CSMD3: variants seen among roughly 807,000 people sequenced by gnomAD.
CSMD3 encodes CUB and Sushi multiple domains 3.
Under a neutral mutation model 435.2 loss-of-function variants are expected in CSMD3, and 177 were observed. The observed-to-expected ratio is 0.41, with a 90% CI of 0.36 to 0.46. The LOEUF (loss-of-function observed/expected upper bound fraction) is 0.46, where lower values mean the gene tolerates loss of function less well. Among genes scored for constraint, CSMD3 ranks in the 20% least tolerant of loss-of-function variants. The pLI is 0.34. For synonymous variants in CSMD3, 1,656 were observed against 1,520.5 expected (o/e 1.09, Z -2.07); for missense variants, 4,265 against 4,504.6 (o/e 0.95, Z 1.52).
At chr8:113,103,712 T>C (rs1180701941) in intron 4 of CSMD3, among the ~76,000 whole-genome samples, 1 of 152,086 alleles carries the variant, frequency 6.6e-6, no homozygotes, top group Non-Finnish European at 1.5e-5. Context: ...TAACACCATT[T>C]ATTATACTTT....
chr8:112,507,427 G>T (rs1822647341), intron 28 of CSMD3, among the ~76,000 whole-genome samples: 1 of 152,118 alleles, frequency 6.6e-6, no homozygotes, highest in South Asian at 2.1e-4. Context: ...ACATTACACA[G>T]AAATTGACAT....
In CSMD3 at chr8:113,278,901, T is replaced by C. The variant is rs543858203; in HGVS notation, c.402-197A>G. Among the ~76,000 whole-genome samples, 5 of 151,934 alleles carry C rather than the reference T, an allele frequency of 3.3e-5. No individual in the cohort carries two copies. In the South Asian group the frequency reaches 1.0e-3, roughly 31 times the overall value. ...GACTTCAGCCCTCCAGACTGCAAGA[T>C]AATACATTTGTGTTGTTTAAGCTAC... On this transcript the variant is annotated intron_variant, in intron 2 of 70. Coordinates refer to ENST00000297405, the MANE Select transcript of CSMD3 (RefSeq NM_198123.2).
At chr8:112,697,168 G>A (rs1444687503) in intron 13 of CSMD3, among the ~76,000 whole-genome samples, 1 of 152,166 alleles carries the variant, frequency 6.6e-6, no homozygotes, top group African/African-American at 2.4e-5. Flanking sequence ...AGACAGTGTG[G>A]CAATTCCTCA....
At chr8:112,644,351 T>G (rs1179878225) in intron 20 of CSMD3, among the ~76,000 whole-genome samples, 1 of 151,960 alleles carries the variant, frequency 6.6e-6, no homozygotes, top group Non-Finnish European at 1.5e-5. Context: ...TCCCTCTTAT[T>G]AAGCAGTAAG....
intron 2 of CSMD3, among the ~76,000 whole-genome samples, chr8:113,297,182 T>C (rs2132561277): frequency 6.6e-6 from 1 of 152,222 alleles, no homozygotes; most frequent in East Asian, 1.9e-4. Flanking sequence ...CACGTAGCTA[T>C]TATGAAATTA....
chr8:113,299,011 A>T (rs2132571984), intron 2 of CSMD3, among the ~76,000 whole-genome samples: 1 of 152,318 alleles, frequency 6.6e-6, no homozygotes, highest in Non-Finnish European at 1.5e-5. Flanking sequence ...TAACAGAGAC[A>T]GAAAAATGTA....
intron 30 of CSMD3, among the ~76,000 whole-genome samples, chr8:112,498,514 C>T (rs918494316): frequency 6.6e-6 from 1 of 151,978 alleles, no homozygotes; most frequent in Non-Finnish European, 1.5e-5. Context: ...TGGTGTGTTA[C>T]CTAGAGAAAG....
intron 3 of CSMD3, among the ~76,000 whole-genome samples, chr8:113,206,075 T>C (rs2092767803): frequency 6.6e-6 from 1 of 152,144 alleles, no homozygotes; most frequent in African/African-American, 2.4e-5. Flanking sequence ...AGGGTAGAGC[T>C]GGTAAGTTGT....
At chr8:113,435,509 C>G (rs1019162009) in intron 1 of CSMD3, among the ~76,000 whole-genome samples, 1 of 152,040 alleles carries the variant, frequency 6.6e-6, no homozygotes. Context: ...AGACGCGGCC[C>G]GATTGCAGTT....
chr8:112,302,618 T>G (rs1225651210), intron 52 of CSMD3, among the ~76,000 whole-genome samples: 1 of 152,032 alleles, frequency 6.6e-6, no homozygotes, highest in Non-Finnish European at 1.5e-5. Flanking sequence ...ATAAAAACAA[T>G]AACAGATCAT....
intron 5 of CSMD3, among the ~76,000 whole-genome samples, chr8:113,030,375 C>T (rs1290704933): frequency 5.8e-5 from 7 of 120,672 alleles, no homozygotes; most frequent in Non-Finnish European, 9.9e-5. Flanking sequence ...TGATTTCAAA[C>T]TACAGTATAA....
chr8:113,257,279 C>T (rs532706692), intron 3 of CSMD3, among the ~76,000 whole-genome samples: 12 of 152,188 alleles, frequency 7.9e-5, no homozygotes, highest in South Asian at 2.1e-4. Context: ...GGCATGGTGG[C>T]AGGTGCCTGT....
chr8:113,293,256 A>G (rs1465507973), intron 2 of CSMD3, among the ~76,000 whole-genome samples: 6 of 150,906 alleles, frequency 4.0e-5, no homozygotes, highest in Non-Finnish European at 8.8e-5. Flanking sequence ...TATGATTCCT[A>G]TTTTACGTGC....
At chr8:112,602,928 G>A (rs1262682456) in intron 22 of CSMD3, among the ~76,000 whole-genome samples, 1 of 152,230 alleles carries the variant, frequency 6.6e-6, no homozygotes. Context: ...GTGGGGTGGG[G>A]AGAGAGACAA....
At chr8:112,957,791 G>A (rs1250864494) in intron 7 of CSMD3, among the ~76,000 whole-genome samples, 1 of 152,176 alleles carries the variant, frequency 6.6e-6, no homozygotes, top group African/African-American at 2.4e-5. Context: ...AGTCGCCCAG[G>A]CTGGAGAGCA....
At chr8:112,298,445 T>C (rs1820556921) in intron 53 of CSMD3, among the ~76,000 whole-genome samples, 1 of 152,068 alleles carries the variant, frequency 6.6e-6, no homozygotes. Context: ...AAGCTAAAAC[T>C]ATAAAGCTTC....
chr8:112,480,867 T>C (rs944400853), intron 31 of CSMD3, among the ~76,000 whole-genome samples: 1 of 152,228 alleles, frequency 6.6e-6, no homozygotes, highest in Non-Finnish European at 1.5e-5. Context: ...CTAAGGAATA[T>C]GCTTATTTAG....
intron 13 of CSMD3, among the ~76,000 whole-genome samples, chr8:112,758,492 A>C (rs146142362): frequency 9.3e-4 from 141 of 152,270 alleles, no homozygotes; most frequent in African/African-American, 3.3e-3. Context: ...GCTAACATTA[A>C]ATCTTTGGTC....
chr8:112,739,764 GATA>G (rs2077262613), intron 13 of CSMD3, among the ~76,000 whole-genome samples: 1 of 151,752 alleles, frequency 6.6e-6, no homozygotes, highest in African/African-American at 2.4e-5. Flanking sequence ...GCATTGTATA[GATA>G]ATATCGCATG....
Sources: allele counts gnomAD v4.1 joint callset (sites outside exome capture counted in the v4.1 genomes callset), GRCh38; gene constraint gnomAD v4.1.1; transcripts MANE v1.5; gene names NCBI Gene and HGNC (gene_info 2026-07-23, HGNC 2026-07-21).